PIEZO1: variants seen among roughly 807,000 people sequenced by gnomAD.
The protein encoded by PIEZO1 is piezo-type mechanosensitive ion channel component 1.
PIEZO1 carries 296 observed loss-of-function variants against 297.2 expected under a neutral mutation model. The ratio of observed to expected loss-of-function variants is 1.00; its 90% CI spans 0.91 to 1.10. The LOEUF (loss-of-function observed/expected upper bound fraction) is 1.10, where lower values mean the gene tolerates loss of function less well. Ranked by LOEUF, PIEZO1 falls within the 50% of genes least tolerant of loss-of-function variation. The probability of loss-of-function intolerance (pLI) is 0.00; values close to 1 mark genes in which losing one functional copy is unlikely to be tolerated. For missense variants in PIEZO1, 5,018 were observed against 3,455.5 expected, an observed-to-expected ratio of 1.45 and a Z score of -11.34; for synonymous variants, 2,427 against 1,507.5, an observed-to-expected ratio of 1.61 and a Z score of -14.13.
chr16:88,737,434 C>G (rs1597460975), intron 10 of PIEZO1, 125 bp downstream of exon 10: 1 of 658,790 alleles, frequency 1.5e-6, no homozygotes, highest in Non-Finnish European at 2.5e-6. Flanking sequence ...TCCTGGGCCC[C>G]CGAGGGGGCG....
intron 7 of PIEZO1, 51 bp downstream of exon 7, chr16:88,738,176 G>A: frequency 6.5e-7 from 1 of 1,533,816 alleles, no homozygotes; most frequent in Non-Finnish European, 8.7e-7. Flanking sequence ...GACGAGCCAG[G>A]TGGGCGGGAC....
At chr16:88,776,332 G>C (rs544414486) in intron 1 of PIEZO1, among the ~76,000 whole-genome samples, 2 of 152,326 alleles carry the variant, frequency 1.3e-5, no homozygotes, top group East Asian at 3.9e-4. Flanking sequence ...TACTCGGGAG[G>C]CTGAGGAAGG....
At chr16:88,759,029 CT>C (rs1044442572) in intron 1 of PIEZO1, among the ~76,000 whole-genome samples, 4 of 152,248 alleles carry the variant, frequency 2.6e-5, no homozygotes, top group Non-Finnish European at 4.4e-5. Flanking sequence ...TTGGTCCCCC[CT>C]ACCCACGGCA....
At chr16:88,743,486 G>T (rs9933846) in intron 2 of PIEZO1, 4 of 450,924 alleles carry the variant, frequency 8.9e-6, no homozygotes, top group African/African-American at 2.0e-5. Context: ...GGAGCTCAGG[G>T]ACAGGTAGCA....
In PIEZO1 at chr16:88,720,751, G is replaced by A. The variant is rs1284186567; in HGVS notation, c.5669-3C>T. On this transcript the variant is annotated splice_region_variant and splice_polypyrimidine_tract_variant and intron_variant, in intron 39 of 50. Transcript: ENST00000301015. Reference sequence around the variant, plus strand: ...TTCTTCCTCCCTGTCCTCAGCTTCTGTAGGGAAAAGCTGACTTCTGCCTGG... The same window carrying A: ...TTCTTCCTCCCTGTCCTCAGCTTCTATAGGGAAAAGCTGACTTCTGCCTGG... The A allele has an allele frequency of 4.0e-6, 6 of 1,486,130 alleles. No individual in the cohort carries two copies. In the Admixed American group the frequency reaches 1.3e-4, roughly 31 times the overall value. The allele number at this position is 1,486,130 out of a possible 1,614,324, so 92.1% of individuals were successfully genotyped here.
chr16:88,736,497 G>A, intron 11 of PIEZO1, 89 bp from the exon 12 acceptor site: 4 of 597,892 alleles, frequency 6.7e-6, no homozygotes, highest in South Asian at 2.0e-5. Context: ...CTGCACAGCT[G>A]CCCAGCGCAC....
chr16:88,738,996 G>A, intron 5 of PIEZO1: 1 of 555,128 alleles, frequency 1.8e-6, no homozygotes, highest in Non-Finnish European at 3.2e-6. Flanking sequence ...CCCAGGGTCT[G>A]TCCTGCCAAG....
chr16:88,784,886 C>T lies in PIEZO1; in HGVS notation c.64+15G>A, dbSNP rs1331684112. On this transcript the variant is annotated intron_variant, in intron 1 of 50. Transcript: ENST00000301015. ...GCCCCCTCCCGTCGCCCCCAGGCGC[C>T]CGCCCCCCACTCACCAGCCAGCAGC... 1.4e-6 allele frequency: 2 copies of T among 1,433,182 alleles called. No individual in the cohort carries two copies. Among genetic ancestry groups the T allele is most frequent in the Non-Finnish European group, 9.2e-7 (1 of 1,089,836 alleles). 88.8% of individuals were successfully genotyped at this position (1,433,182 alleles called of 1,614,324 possible).
intron 44 of PIEZO1, chr16:88,718,848 C>T (rs1912228627): frequency 6.5e-6 from 1 of 153,684 alleles, no homozygotes; most frequent in Non-Finnish European, 1.5e-5. Flanking sequence ...GCTGGGAGCA[C>T]AAGTGTGCAC....
intron 1 of PIEZO1, among the ~76,000 whole-genome samples, chr16:88,751,393 A>G (rs1190173628): frequency 6.6e-6 from 1 of 151,878 alleles, no homozygotes; most frequent in African/African-American, 2.4e-5. Context: ...CTCCCTTCCC[A>G]CTCTCAACAG....
chr16:88,726,328 C>G lies in PIEZO1; in HGVS notation c.3924G>C (p.Leu1308=), dbSNP rs767396309. Residue 1308 remains leucine, a synonymous_variant, in exon 27 of 51, where the codon CTG becomes CTC. Transcript: ENST00000301015. ...TGGCCTGGAGGTCGGCCCTGACGTG[C>G]AGGTAGTAATGGCTAAGGAAGACGC... The part of the protein sequence containing the change: ...QRRVFLSHYY[L]HVRADLQATA... 6.1e-5 allele frequency: 95 copies of G among 1,550,374 alleles called. No individual in the cohort carries two copies. The East Asian group carries it at 2.2e-3, about 37-fold the overall frequency.
At position 88,715,357 on chromosome 16, in the gene PIEZO1, A is replaced by AAATAAAACATTT; in HGVS notation, c.*236_*247dup. On this transcript the variant is annotated 3_prime_UTR_variant, in exon 51 of 51. Coordinates refer to ENST00000301015, the MANE Select transcript of PIEZO1 (RefSeq NM_001142864.4). Reference sequence around the variant, plus strand: ...CTGGCCTCTGATTGTCCATTTGTATAAATAAAACATTTTTTAATTAAAAAA... The same window carrying AAATAAAACATTT: ...CTGGCCTCTGATTGTCCATTTGTATAAATAAAACATTTAATAAAACATTTTTTAATTAAAAAA... 8.0e-7 allele frequency: 1 copy of AAATAAAACATTT among 1,244,766 alleles called. No homozygotes were observed. The highest frequency in any genetic ancestry group is 1.4e-5 in the South Asian group (1 of 71,592). 77.1% of individuals were successfully genotyped at this position (1,244,766 alleles called of 1,614,324 possible).
intron 2 of PIEZO1, chr16:88,742,836 G>T: frequency 2.9e-6 from 1 of 349,220 alleles, no homozygotes; most frequent in Non-Finnish European, 5.7e-6. Flanking sequence ...GGAGACCAGA[G>T]CATGCGGAGC....
In PIEZO1 at chr16:88,735,261, G is replaced by A; in HGVS notation, c.1558-15C>T. ...GTGTAGAGCAACTGTGACAAGCGCA[G>A]GGTGTCACAGTCAGCCGGGGGGCCC... On this transcript the variant is annotated splice_polypyrimidine_tract_variant and intron_variant, in intron 12 of 50. Transcript: ENST00000301015. 1 of 1,530,700 alleles carries A rather than the reference G, an allele frequency of 6.5e-7. No individual in the cohort carries two copies. The highest frequency in any genetic ancestry group is 1.2e-5 in the South Asian group (1 of 83,670). The allele number at this position is 1,530,700 out of a possible 1,614,324, so 94.8% of individuals were successfully genotyped here. A position where few individuals can be genotyped will look rare whatever the true frequency, so the allele number is the denominator to read the frequency against.
chr16:88,729,822 G>A (rs1473058030), intron 22 of PIEZO1, among the ~76,000 whole-genome samples: 1,000 of 143,876 alleles, frequency 7.0e-3, no homozygotes, highest in Middle Eastern at 0.015. Context: ...AGGGAACCTC[G>A]CGACCCAAAA....
In PIEZO1 at chr16:88,726,325, G is replaced by A. The variant is rs567917101; in HGVS notation, c.3927C>T (p.His1309=). Residue 1309 remains histidine (H), a synonymous_variant, in exon 27 of 51, where the codon CAC becomes CAT. Coordinates refer to ENST00000301015, the MANE Select transcript of PIEZO1 (RefSeq NM_001142864.4). ...CGGTGGCCTGGAGGTCGGCCCTGAC[G>A]TGCAGGTAGTAATGGCTAAGGAAGA... The part of the protein sequence containing the change: ...RRVFLSHYYL[H]VRADLQATAL... 3.9e-5 allele frequency: 60 copies of A among 1,550,324 alleles called. No individual in the cohort carries two copies. The highest frequency in any genetic ancestry group is 1.4e-4 in the Admixed American group (7 of 50,998).
Position 88,716,243 on chromosome 16 carries a change from C to A in PIEZO1, c.7084G>T (p.Ala2362Ser), listed in dbSNP as rs1256819285. Residue 2362 changes from alanine (A) to serine (S), a missense_variant, in exon 49 of 51, where the codon GCC becomes TCC. Transcript: ENST00000301015. ...GGGTTGGCTTCGGGCCCGTTGGGGG[C>A]ACGGATGTACTTGGGGAAGAGATTA... is the stretch of plus-strand genomic sequence containing the variant. ...IPNLFPKYIR[A>S]PNGPEANPVK... 6.7e-7 allele frequency: 1 copy of A among 1,495,468 alleles called. No homozygotes were observed. The highest frequency in any genetic ancestry group is 1.4e-5 in the African/African-American group (1 of 71,922). The allele number at this position is 1,495,468 out of a possible 1,614,324, so 92.6% of individuals were successfully genotyped here. A position where few individuals can be genotyped will look rare whatever the true frequency, so the allele number is the denominator to read the frequency against.
intron 22 of PIEZO1, chr16:88,731,272 C>A: frequency 4.8e-6 from 1 of 208,098 alleles, no homozygotes; most frequent in East Asian, 1.3e-4. Context: ...GCAGAGGACA[C>A]GTTTGACGAT....
At chr16:88,727,017 T>A in intron 24 of PIEZO1, 22 bp downstream of exon 24, 2 of 1,548,282 alleles carry the variant, frequency 1.3e-6, no homozygotes, top group Non-Finnish European at 1.7e-6. Context: ...AGGTTCCCCG[T>A]GGAGGGTGAC....
Sources: allele counts gnomAD v4.1 joint callset (sites outside exome capture counted in the v4.1 genomes callset), GRCh38; gene constraint gnomAD v4.1.1; transcripts MANE v1.5; gene names NCBI Gene and HGNC (gene_info 2026-07-23, HGNC 2026-07-21).